Variants in DAAM2 observed in about 807,000 individuals in gnomAD.
DAAM2 encodes disheveled-associated activator of morphogenesis 2.
DAAM2 carries 39 observed loss-of-function variants against 120.7 expected under a neutral mutation model. The observed-to-expected ratio is 0.32, with a 90% confidence interval of 0.25 to 0.42. DAAM2 has a LOEUF of 0.42. Among genes scored for constraint, DAAM2 ranks in the 10% least tolerant of loss-of-function variants. The probability of loss-of-function intolerance (pLI) is 1.00; values close to 1 mark genes in which losing one functional copy is unlikely to be tolerated. For missense variants in DAAM2, 1,283 were observed against 1,401.7 expected, an observed-to-expected ratio of 0.92 and a Z score of 1.35; for synonymous variants, 488 against 524.9, an observed-to-expected ratio of 0.93 and a Z score of 0.96.
chr6:39,851,846 C>T (rs550829681), intron 1 of DAAM2, among the ~76,000 whole-genome samples: 11 of 152,162 alleles, frequency 7.2e-5, no homozygotes, highest in African/African-American at 2.4e-5. Flanking sequence ...AAACTGAGGC[C>T]CAGAGAGACT....
At chr6:39,886,323 G>A (rs1765378700) in intron 15 of DAAM2, 1 of 398,670 alleles carries the variant, frequency 2.5e-6, no homozygotes, top group East Asian at 3.6e-5. Flanking sequence ...TGTAGATGCT[G>A]AGGGATCCCT....
At position 39,891,180 on chromosome 6, in the gene DAAM2, A is replaced by G. The variant is rs1765692005; in HGVS notation, c.2146-161A>G. The G allele has an allele frequency of 5.1e-6, 3 of 584,918 alleles. No homozygotes were observed. In the African/African-American group the frequency reaches 5.6e-5, roughly 11 times the overall value. The allele number at this position is 584,918 out of a possible 1,614,324, so 36.2% of individuals were successfully genotyped here. ...GAATTTCAGAGCTGTGTGCCCTGTC[A>G]TCCCCTTCAGGCAGATGAAAGAAAT... On this transcript the variant is annotated intron_variant, in intron 17 of 24. Coordinates refer to ENST00000274867, the MANE Select transcript of DAAM2 (RefSeq NM_001201427.2).
chr6:39,867,242 A>G, intron 5 of DAAM2: 3 of 452,002 alleles, frequency 6.6e-6, no homozygotes. Context: ...AATTATCATG[A>G]TCATGTGAAG....
intron 3 of DAAM2, 102 bp from the exon 4 acceptor site, chr6:39,864,331 G>A (rs958051906): frequency 1.2e-6 from 1 of 858,810 alleles, no homozygotes; most frequent in South Asian, 1.6e-5. Flanking sequence ...CATGGGCAGA[G>A]CTGAGAAATG....
intron 18 of DAAM2, 71 bp downstream of exon 18, chr6:39,891,518 A>T: frequency 6.6e-7 from 1 of 1,516,640 alleles, no homozygotes; most frequent in East Asian, 2.4e-5. Flanking sequence ...GGGCTCTGCC[A>T]AGAGGAAGGG....
chr6:39,861,068 G>A (rs1764190906), intron 3 of DAAM2, 51 bp downstream of exon 3: 13 of 1,442,090 alleles, frequency 9.0e-6, no homozygotes, highest in Non-Finnish European at 1.2e-5. Flanking sequence ...GGCATGGGGT[G>A]GCTCTTGCTG....
chr6:39,894,425 A>G (rs1490943379), intron 19 of DAAM2, among the ~76,000 whole-genome samples: 2 of 152,162 alleles, frequency 1.3e-5, no homozygotes, highest in Non-Finnish European at 1.5e-5. Context: ...ACAAATCATA[A>G]GAGTCCTACT....
rs761984417 is a variant in DAAM2 at position 39,865,037 on chromosome 6, G to A, written c.391G>A (p.Glu131Lys). 101 of 1,602,850 alleles carry A rather than the reference G, an allele frequency of 6.3e-5. No homozygotes were observed. Among genetic ancestry groups the A allele is most frequent in the Non-Finnish European group, 8.3e-5 (97 of 1,173,480 alleles). ...EETEMRNQVVEDLKTALRTQP... is the reference protein window; with the variant it reads ...EETEMRNQVVKDLKTALRTQP... Reference sequence around the variant, plus strand: ...GACGGAGATGAGGAACCAAGTCGTGGAAGACCTGAAGACAGCCCTCCGGAC... The same window carrying A: ...GACGGAGATGAGGAACCAAGTCGTGAAAGACCTGAAGACAGCCCTCCGGAC... Residue 131 changes from glutamate to lysine, a missense_variant, in exon 5 of 25, where the codon GAA becomes AAA. Glu to Lys is a moderately conservative substitution (Grantham distance 56). This residue lies in a region of DAAM2 where 197 missense variants were observed against 189.3 expected (regional missense o/e 1.04). Coordinates refer to ENST00000274867, the MANE Select transcript of DAAM2 (RefSeq NM_001201427.2).
rs1023423003 is a variant in DAAM2, at chr6:39,804,383, A to G, written c.-57+11918A>G. 2.0e-5 allele frequency among the ~76,000 whole-genome samples: 3 copies of G among 152,156 alleles called. No homozygotes were observed. The East Asian group carries it at 5.8e-4, about 29-fold the overall frequency. On this transcript the variant is annotated intron_variant, in intron 1 of 24. Coordinates refer to ENST00000274867, the MANE Select transcript of DAAM2 (RefSeq NM_001201427.2). Reference sequence around the variant, plus strand: ...GGATACTTGTTGACTGTATGTATCAATTATCCCTGTGTGTATTCATTTACT... The same window carrying G: ...GGATACTTGTTGACTGTATGTATCAGTTATCCCTGTGTGTATTCATTTACT...
rs992244726 is a variant in DAAM2 at position 39,838,653 on chromosome 6, C to CT, written c.-56-17588dup. Among the ~76,000 whole-genome samples the CT allele has an allele frequency of 7.9e-5, 12 of 152,064 alleles. 1 individual carries two copies. The highest frequency in any genetic ancestry group is 5.9e-4 in the Admixed American group (9 of 15,252). On this transcript the variant is annotated intron_variant, in intron 1 of 24. Coordinates refer to ENST00000274867, the MANE Select transcript of DAAM2 (RefSeq NM_001201427.2). The stretch of plus-strand genomic sequence containing the variant: ...GAAGGTTCCTGTGATTTGGGACTTT[C>CT]TTTTTTCTTTTTCTTTTTTGAGATG...
At chr6:39,811,750 A>T (rs913575) in intron 1 of DAAM2, among the ~76,000 whole-genome samples, 13 of 151,990 alleles carry the variant, frequency 8.6e-5, no homozygotes, top group African/African-American at 1.5e-4. Flanking sequence ...AGGTTACTAG[A>T]GCTCTTGGCA....
chr6:39,883,222 C>G (rs1278806330), intron 14 of DAAM2, among the ~76,000 whole-genome samples: 6 of 150,022 alleles, frequency 4.0e-5, no homozygotes, highest in Non-Finnish European at 1.5e-5. Flanking sequence ...CAGCCAGGAT[C>G]CAGACCCTAG....
In DAAM2 at chr6:39,902,177, G is replaced by A. The variant is rs1766532833; in HGVS notation, c.*140G>A. 6.5e-6 allele frequency: 4 copies of A among 611,272 alleles called. No homozygotes were observed. The South Asian group carries it at 9.8e-5, about 15-fold the overall frequency. 37.9% of individuals were successfully genotyped at this position (611,272 alleles called of 1,614,324 possible). On this transcript the variant is annotated 3_prime_UTR_variant, in exon 25 of 25. Coordinates refer to ENST00000274867, the MANE Select transcript of DAAM2 (RefSeq NM_001201427.2). The stretch of plus-strand genomic sequence containing the variant: ...GGTCCTGGGATGGGGGGCTGTGTGT[G>A]GCTGGACCAGGTGTCTCCCCACGCT...
Position 39,901,794 on chromosome 6 carries a change from T to C in DAAM2, c.2983-19T>C, listed in dbSNP as rs376073031. The C allele has an allele frequency of 1.2e-5, 18 of 1,510,512 alleles. No individual in the cohort carries two copies. In the African/African-American group the frequency reaches 2.5e-4, roughly 21 times the overall value. 93.6% of individuals were successfully genotyped at this position (1,510,512 alleles called of 1,614,324 possible). A position where few individuals can be genotyped will look rare whatever the true frequency, so the allele number is the denominator to read the frequency against. On this transcript the variant is annotated intron_variant, in intron 24 of 24. Coordinates refer to ENST00000274867, the MANE Select transcript of DAAM2 (RefSeq NM_001201427.2). This position sits in a 1 kb window ranked among gnomAD's most constrained non-coding sequence, Gnocchi z 4.5. ...GCCTCTCCCTGAGAGGGTTCCTATCTTTGGCCCCCCGCCCGCAGCTGAAGG... is the reference window on the plus strand; with the variant it reads ...GCCTCTCCCTGAGAGGGTTCCTATCCTTGGCCCCCCGCCCGCAGCTGAAGG...
At chr6:39,870,588 G>T (rs1457700187) in intron 8 of DAAM2, 145 bp downstream of exon 8, 2 of 646,332 alleles carry the variant, frequency 3.1e-6, no homozygotes, top group East Asian at 2.7e-5. Context: ...TCTGTGGGGG[G>T]AAGGGGTGCC....
rs749112544 is a variant in DAAM2 at position 39,896,975 on chromosome 6, C to T, written c.2505C>T (p.Ile835=). 6.2e-7 allele frequency: 1 copy of T among 1,607,168 alleles called. No homozygotes were observed. The highest frequency in any genetic ancestry group is 8.5e-7 in the Non-Finnish European group (1 of 1,176,560). ...LNKIADTKSS[I]DRNISLLHYL... is the part of the protein sequence containing the mutation. ...AGATCGCTGACACCAAGTCCAGCAT[C>T]GACAGGTGAGGACCTCCCTTCCCGG... is the stretch of plus-strand genomic sequence containing the variant. The change falls in exon 20 of 25, where the codon ATC becomes ATT. Residue 835 remains isoleucine (I), a synonymous_variant. Transcript: ENST00000274867.
Position 39,867,506 on chromosome 6 carries a change from G to T in DAAM2, c.429-4G>T, listed in dbSNP as rs200891594. On this transcript the variant is annotated splice_region_variant and splice_polypyrimidine_tract_variant and intron_variant, in intron 5 of 24. Transcript: ENST00000274867. ...ATATGTTTGTTAATGGCTCTGATTT[G>T]TAGGTTTGTGACCCGCTTCATTGAG... The T allele has an allele frequency of 1.2e-6, 2 of 1,612,894 alleles. No individual in the cohort carries two copies. Among genetic ancestry groups the T allele is most frequent in the Non-Finnish European group, 1.7e-6 (2 of 1,179,050 alleles).
chr6:39,800,557 G>A (rs1039103472), intron 1 of DAAM2, among the ~76,000 whole-genome samples: 1 of 152,184 alleles, frequency 6.6e-6, no homozygotes, highest in Non-Finnish European at 1.5e-5. Flanking sequence ...TGGACACTGG[G>A]CTGTGCTCTC....
chr6:39,867,264 T>G, intron 5 of DAAM2: 1 of 513,196 alleles, frequency 1.9e-6, no homozygotes, highest in Non-Finnish European at 3.5e-6. Flanking sequence ...GGACTTCACA[T>G]TCATACCATT....
Sources: gnomAD v4.1 joint callset for allele counts (sites outside exome capture counted in the v4.1 genomes callset) on GRCh38, gnomAD v4.1.1 for gene constraint, gnomAD v4.1.1 regional missense constraint, Gnocchi (gnomAD v3.1) non-coding constraint, MANE v1.5 for transcripts, NCBI Gene and HGNC (gene_info 2026-07-23, HGNC 2026-07-21) for gene names.